The following ATP5F1A variants were observed in gnomAD, a reference collection of about 807,000 sequenced individuals.
The protein encoded by ATP5F1A is ATP synthase F(1) complex subunit alpha, mitochondrial.
ATP5F1A carries 24 observed loss-of-function variants against 57.4 expected under a neutral mutation model. The observed-to-expected ratio is 0.42, with a 90% CI of 0.30 to 0.59. The LOEUF (loss-of-function observed/expected upper bound fraction) is 0.59, where lower values mean the gene tolerates loss of function less well. ATP5F1A is among the 20% of genes least tolerant of loss of function. The pLI is 0.19. For missense variants in ATP5F1A, 494 were observed against 707.9 expected (o/e 0.70, Z 3.43); for synonymous variants, 251 against 255.5 (o/e 0.98, Z 0.17).
chr18:46,086,420 G>T lies in ATP5F1A; in HGVS notation c.1251C>A (p.Val417=), dbSNP rs755954243. Residue 417 remains valine (V), a synonymous_variant, in exon 9 of 12, where the codon GTC becomes GTA. Transcript: ENST00000398752. ...TAGCCCTGGTTTGGGCAGCGGATCC[G>T]ACACGAGATACAGACAGACCAACGT... is the stretch of plus-strand genomic sequence containing the variant. ...AINVGLSVSR[V]GSAAQTRAMK... 6.2e-7 allele frequency: 1 copy of T among 1,614,066 alleles called. No homozygotes were observed. The highest frequency in any genetic ancestry group is 8.5e-7 in the Non-Finnish European group (1 of 1,180,008).
At chr18:46,089,278 G>A (rs191707844) in intron 5 of ATP5F1A, among the ~76,000 whole-genome samples, 1 of 152,348 alleles carries the variant, frequency 6.6e-6, no homozygotes, top group East Asian at 1.9e-4. Context: ...ACTCACAGGT[G>A]TGGAGGGGCT....
chr18:46,090,021 T>C (rs374666082), intron 3 of ATP5F1A, 25 bp from the exon 4 acceptor site: 232 of 1,414,592 alleles, frequency 1.6e-4, no homozygotes, highest in Non-Finnish European at 2.0e-4. Context: ...CAATTGAACA[T>C]CAATGAAGCT....
At chr18:46,094,577 G>A (rs1159124742) in intron 2 of ATP5F1A, 2 of 152,182 alleles carry the variant, frequency 1.3e-5, no homozygotes, top group East Asian at 1.9e-4. Flanking sequence ...TGAGGCAGTA[G>A]AATTGCTTGA....
intron 2 of ATP5F1A, among the ~76,000 whole-genome samples, chr18:46,094,186 C>CACACACACACACACACAT (rs140950200): frequency 0.011 from 1,682 of 151,068 alleles, 31 homozygotes; most frequent in African/African-American, 0.037. Context: ...CACACACACA[C>CACACACACACACACACAT]ATATACACAC....
chr18:46,090,735 ATT>A (rs1166592285), intron 3 of ATP5F1A, among the ~76,000 whole-genome samples: 1 of 152,186 alleles, frequency 6.6e-6, no homozygotes. Context: ...GGCTATTTAA[ATT>A]TGTCAAATTT....
chr18:46,091,902 G>C, intron 2 of ATP5F1A, 51 bp from the exon 3 acceptor site: 2 of 1,557,846 alleles, frequency 1.3e-6, no homozygotes, highest in Non-Finnish European at 1.7e-6. Flanking sequence ...GCCAGGCACA[G>C]TGGCTCACAG....
intron 2 of ATP5F1A, 78 bp downstream of exon 2, chr18:46,094,975 C>G (rs1481740042): frequency 6.9e-7 from 1 of 1,450,278 alleles, no homozygotes; most frequent in South Asian, 1.6e-5. Flanking sequence ...TGAAAAACAA[C>G]TCACCACAGT....
intron 10 of ATP5F1A, chr18:46,085,622 C>G (rs1459381473): frequency 6.3e-6 from 1 of 158,740 alleles, no homozygotes; most frequent in African/African-American, 2.4e-5. Flanking sequence ...CTGCAAGACA[C>G]TGTCTCTCTT....
Position 46,087,237 on chromosome 18 carries a change from G to A in ATP5F1A, c.952-5C>T. ...CATCTGACGGTAAGCAACAGCCTAT[G>A]GTACAGAATAGGTTTGTGAAGTTAA... On this transcript the variant is annotated splice_polypyrimidine_tract_variant and splice_region_variant and intron_variant, in intron 7 of 11. Coordinates refer to ENST00000398752, the MANE Select transcript of ATP5F1A (RefSeq NM_004046.6). The A allele has an allele frequency of 6.2e-7, 1 of 1,613,756 alleles. No homozygotes were observed. The highest frequency in any genetic ancestry group is 8.5e-7 in the Non-Finnish European group (1 of 1,179,738).
At chr18:46,098,400 T>G (rs1464062029), upstream of ATP5F1A, 18 of 1,348,714 alleles carry the variant, frequency 1.3e-5, no homozygotes, top group East Asian at 3.9e-4. Flanking sequence ...CTCTGCATTT[T>G]TTGGCAGGTT....
chr18:46,094,959 A>T, intron 2 of ATP5F1A, 94 bp downstream of exon 2: 1 of 1,410,392 alleles, frequency 7.1e-7, no homozygotes, highest in Non-Finnish European at 9.3e-7. Flanking sequence ...AGAAAAAACT[A>T]ACAAATGAAA....
chr18:46,084,892 A>C (rs925520657), intron 10 of ATP5F1A: 8 of 398,160 alleles, frequency 2.0e-5, no homozygotes. Flanking sequence ...ATAGTCCATA[A>C]GCACTGTTTA....
Position 46,084,234 on chromosome 18 carries a change from AG to A in ATP5F1A, c.*47del, listed in dbSNP as rs1909922058. 1 of 1,507,984 alleles carries A rather than the reference AG, an allele frequency of 6.6e-7. No individual in the cohort carries two copies. The highest frequency in any genetic ancestry group is 1.8e-5 in the Admixed American group (1 of 55,166). The allele number at this position is 1,507,984 out of a possible 1,614,324, so 93.4% of individuals were successfully genotyped here. A position where few individuals can be genotyped will look rare whatever the true frequency, so the allele number is the denominator to read the frequency against. On this transcript the variant is annotated 3_prime_UTR_variant, in exon 12 of 12. Transcript: ENST00000398752. Reference sequence around the variant, plus strand: ...CTTTTACAAATGGAACTAATTTACTAGAACAATGACAAAACTGAACTGGTAT... The same window carrying A: ...CTTTTACAAATGGAACTAATTTACTAAACAATGACAAAACTGAACTGGTAT...
At chr18:46,087,662 C>T in intron 6 of ATP5F1A, 170 bp from the exon 7 acceptor site, 2 of 719,372 alleles carry the variant, frequency 2.8e-6, no homozygotes, top group Non-Finnish European at 4.5e-6. Context: ...GGGTGATCAC[C>T]TGAGGTCAGG....
At chr18:46,101,108 C>T (rs1412503427), upstream of ATP5F1A, among the ~76,000 whole-genome samples, 3 of 152,042 alleles carry the variant, frequency 2.0e-5, no homozygotes, top group Admixed American at 1.3e-4. Context: ...TAGGTTATAG[C>T]GGGCAGTTTC....
chr18:46,104,139 G>T, exon 1 of ATP5F1A: 1 of 389,906 alleles, frequency 2.6e-6, no homozygotes. Flanking sequence ...AAAACAACCT[G>T]GTTCTAGGCG....
chr18:46,099,993 G>A (rs1229670625), upstream of ATP5F1A, among the ~76,000 whole-genome samples: 1 of 152,124 alleles, frequency 6.6e-6, no homozygotes, highest in Non-Finnish European at 1.5e-5. Flanking sequence ...GCTCACGCCT[G>A]TAATCCCAGC....
At position 46,089,943 on chromosome 18, in the gene ATP5F1A, A is replaced by G. The variant is rs142780908; in HGVS notation, c.363T>C (p.Asn121=). ...TATCTCCTTCCTTAATTAGTTTATC[A>G]TTTCCAAACACGACAACACCAACAT... is the stretch of plus-strand genomic sequence containing the variant. The part of the protein sequence containing the change: ...PDNVGVVVFG[N]DKLIKEGDIV... The change falls in exon 4 of 12, where the codon AAT becomes AAC. Residue 121 remains asparagine (N), a synonymous_variant. Coordinates refer to ENST00000398752, the MANE Select transcript of ATP5F1A (RefSeq NM_004046.6). 2.5e-6 allele frequency: 4 copies of G among 1,612,642 alleles called. No individual in the cohort carries two copies. Among genetic ancestry groups the G allele is most frequent in the Non-Finnish European group, 3.4e-6 (4 of 1,179,578 alleles).
Position 46,081,201 on chromosome 18 carries a change from T to C in ATP5F1A, c.*3081A>G, listed in dbSNP as rs567353277. On this transcript the variant is annotated 3_prime_UTR_variant, in exon 12 of 12. Transcript: ENST00000398752. ...TTAACATTTGGAATTTGATTTATAATGGACAAACATGGTTGTCTTCATTTG... is the reference window on the plus strand; with the variant it reads ...TTAACATTTGGAATTTGATTTATAACGGACAAACATGGTTGTCTTCATTTG... The C allele has an allele frequency of 4.0e-4, 61 of 150,818 alleles. No homozygotes were observed. The highest frequency in any genetic ancestry group is 1.4e-3 in the African/African-American group (58 of 41,076). The allele number at this position is 150,818 out of a possible 1,614,324, so 9.3% of individuals were successfully genotyped here.
Sources: gnomAD v4.1 joint callset for allele counts (sites outside exome capture counted in the v4.1 genomes callset) on GRCh38, gnomAD v4.1.1 for gene constraint, MANE v1.5 for transcripts, NCBI Gene and HGNC (gene_info 2026-07-23, HGNC 2026-07-21) for gene names.